MSRA: variants seen among roughly 807,000 people sequenced by gnomAD.
The protein encoded by MSRA is methionine sulfoxide reductase A.
In MSRA, 54 loss-of-function variants were observed where a neutral mutation model predicts 31.3. That is an observed-to-expected ratio of 1.73 (90% CI 1.39 to 2.17). MSRA has a LOEUF of 2.17. MSRA is among the 30% of genes most tolerant of loss of function. The probability of loss-of-function intolerance (pLI) is 0.00; values close to 1 mark genes in which losing one functional copy is unlikely to be tolerated. For synonymous variants in MSRA, 169 were observed against 116.5 expected, an observed-to-expected ratio of 1.45 and a Z score of -2.90; for missense variants, 507 against 300.9, an observed-to-expected ratio of 1.69 and a Z score of -5.07.
At chr8:10,088,418 A>G (rs778037202) in intron 1 of MSRA, among the ~76,000 whole-genome samples, 1 of 152,214 alleles carries the variant, frequency 6.6e-6, no homozygotes, top group Non-Finnish European at 1.5e-5. Context: ...AATAGCTAAG[A>G]TGTGGAAACT....
chr8:10,206,873 C>A (rs755444654), intron 1 of MSRA, among the ~76,000 whole-genome samples: 1 of 152,212 alleles, frequency 6.6e-6, no homozygotes, highest in Non-Finnish European at 1.5e-5. Context: ...GTACTCTCCT[C>A]GAGGGCAGGA....
intron 1 of MSRA, among the ~76,000 whole-genome samples, chr8:10,140,654 C>T (rs867474999): frequency 6.6e-6 from 1 of 152,202 alleles, no homozygotes; most frequent in Middle Eastern, 3.4e-3. Flanking sequence ...GATTTTTCTG[C>T]AGCAGGGATG....
chr8:10,191,585 A>C (rs960226629), intron 1 of MSRA, among the ~76,000 whole-genome samples: 1 of 152,216 alleles, frequency 6.6e-6, no homozygotes, highest in East Asian at 1.9e-4. Context: ...TTAGTGGTTC[A>C]GAAATGCCTG....
Position 10,245,440 on chromosome 8 carries a change from C to T in MSRA, c.331+217C>T, listed in dbSNP as rs531752369. 2.7e-3 allele frequency among the ~76,000 whole-genome samples: 416 copies of T among 152,334 alleles called. 1 individual carries two copies. The highest frequency in any genetic ancestry group is 9.4e-3 in the African/African-American group (391 of 41,578). On this transcript the variant is annotated intron_variant, in intron 3 of 5. Coordinates refer to ENST00000317173, the MANE Select transcript of MSRA (RefSeq NM_012331.5). ...GCACCATTTAGCTTTTGCTGTGGAA[C>T]AACCACTCTAAAACATGGTGGCTTA...
At chr8:10,173,919 C>T (rs1349057167) in intron 1 of MSRA, among the ~76,000 whole-genome samples, 1 of 152,148 alleles carries the variant, frequency 6.6e-6, no homozygotes, top group Non-Finnish European at 1.5e-5. Flanking sequence ...GGCTAATGGT[C>T]CCAGCGTGCT....
chr8:10,315,602 A>G (rs1801666714), intron 4 of MSRA, among the ~76,000 whole-genome samples: 1 of 152,244 alleles, frequency 6.6e-6, no homozygotes, highest in Non-Finnish European at 1.5e-5. Flanking sequence ...TTCTGCTAAT[A>G]TGAACACTAT....
At chr8:10,424,955 C>T (rs116710643) in intron 5 of MSRA, among the ~76,000 whole-genome samples, 3 of 152,214 alleles carry the variant, frequency 2.0e-5, no homozygotes, top group African/African-American at 7.2e-5. Context: ...GAAATCAAGA[C>T]GTGAATCTGA....
chr8:10,161,849 C>G (rs1002213027), intron 1 of MSRA, among the ~76,000 whole-genome samples: 2 of 152,022 alleles, frequency 1.3e-5, no homozygotes, highest in African/African-American at 4.8e-5. Context: ...ACCATGGGCC[C>G]TGGGCAAGTC....
intron 1 of MSRA, among the ~76,000 whole-genome samples, chr8:10,167,717 C>T (rs1345684858): frequency 1.3e-5 from 2 of 152,128 alleles, no homozygotes; most frequent in Admixed American, 1.3e-4. Flanking sequence ...GACGGCTGAA[C>T]GTGAAACCTC....
intron 2 of MSRA, among the ~76,000 whole-genome samples, chr8:10,234,811 T>G (rs922044880): frequency 6.6e-6 from 1 of 151,958 alleles, no homozygotes; most frequent in Admixed American, 6.5e-5. Flanking sequence ...AAAAATAATT[T>G]TAAGAACAAA....
chr8:10,336,537 C>G (rs1228299339), intron 5 of MSRA, among the ~76,000 whole-genome samples: 1 of 151,402 alleles, frequency 6.6e-6, no homozygotes, highest in Non-Finnish European at 1.5e-5. Flanking sequence ...ACAGACCAAA[C>G]TCAGTGTCTG....
chr8:10,374,348 C>G (rs1393323475), intron 5 of MSRA, among the ~76,000 whole-genome samples: 1 of 152,072 alleles, frequency 6.6e-6, no homozygotes, highest in East Asian at 1.9e-4. Flanking sequence ...GTGGGAAGAC[C>G]CCTTTGTGGA....
In MSRA at chr8:10,383,443, C is replaced by T. The variant is rs1806198208; in HGVS notation, c.544-44705C>T. On this transcript the variant is annotated intron_variant, in intron 5 of 5. Coordinates refer to ENST00000317173, the MANE Select transcript of MSRA (RefSeq NM_012331.5). ...TGGCCTATTCTAACTCAAGCAGCTT[C>T]TGAGCTCTAGTGAAGTAGTTTCAAT... Among the ~76,000 whole-genome samples the T allele has an allele frequency of 2.0e-5, 3 of 152,160 alleles. 1 individual carries two copies. The South Asian group carries it at 6.2e-4, about 32-fold the overall frequency.
At chr8:10,180,610 T>C (rs1239358491) in intron 1 of MSRA, among the ~76,000 whole-genome samples, 1 of 152,164 alleles carries the variant, frequency 6.6e-6, no homozygotes, top group Non-Finnish European at 1.5e-5. Context: ...TTGCTATGAC[T>C]AACAAGATGC....
chr8:10,263,202 G>A (rs1798569884), intron 3 of MSRA, among the ~76,000 whole-genome samples: 1 of 152,138 alleles, frequency 6.6e-6, no homozygotes, highest in African/African-American at 2.4e-5. Flanking sequence ...AATCTTTATT[G>A]CTGTCACCCC....
At chr8:10,274,698 C>T (rs1019605508) in intron 3 of MSRA, among the ~76,000 whole-genome samples, 5 of 152,146 alleles carry the variant, frequency 3.3e-5, no homozygotes, top group African/African-American at 1.2e-4. Flanking sequence ...TGTATCTACT[C>T]ATCCGCCCAT....
intron 5 of MSRA, among the ~76,000 whole-genome samples, chr8:10,427,723 C>T (rs1265627029): frequency 6.6e-6 from 1 of 152,154 alleles, no homozygotes; most frequent in Non-Finnish European, 1.5e-5. Flanking sequence ...TCATTCCCTC[C>T]CACTGTGGCC....
chr8:10,099,255 G>A (rs778315974), intron 1 of MSRA, among the ~76,000 whole-genome samples: 1 of 152,178 alleles, frequency 6.6e-6, no homozygotes, highest in Non-Finnish European at 1.5e-5. Context: ...AGGCTGCTTT[G>A]GTGGCCCAGG....
intron 5 of MSRA, among the ~76,000 whole-genome samples, chr8:10,345,053 C>A (rs1761149151): frequency 6.6e-6 from 1 of 152,104 alleles, no homozygotes; most frequent in South Asian, 2.1e-4. Flanking sequence ...TCTCTCTTTC[C>A]ATGGTCTTTC....
Sources: allele counts gnomAD v4.1 joint callset (sites outside exome capture counted in the v4.1 genomes callset), GRCh38; gene constraint gnomAD v4.1.1; transcripts MANE v1.5; gene names NCBI Gene and HGNC (gene_info 2026-07-23, HGNC 2026-07-21).